The following EPHB2 variants were observed in gnomAD, a reference collection of about 807,000 sequenced individuals.
The protein encoded by EPHB2 is EPH receptor B2, also known as ephrin type-B receptor 2.
Under a neutral mutation model 96.4 loss-of-function variants are expected in EPHB2, and 18 were observed. The ratio of observed to expected loss-of-function variants is 0.19; its 90% CI spans 0.13 to 0.28. EPHB2 has a LOEUF of 0.28. EPHB2 is among the 10% of genes least tolerant of loss of function. The probability of loss-of-function intolerance (pLI) is 1.00; values close to 1 mark genes in which losing one functional copy is unlikely to be tolerated. For missense variants in EPHB2, 989 were observed against 1,355.4 expected (o/e 0.73, Z 4.25); for synonymous variants, 506 against 534.1 (o/e 0.95, Z 0.72).
chr1:22,833,538 C>A (rs1645337935), intron 3 of EPHB2, among the ~76,000 whole-genome samples: 1 of 152,130 alleles, frequency 6.6e-6, no homozygotes, highest in African/African-American at 2.4e-5. Flanking sequence ...ATAGGGATAG[C>A]AATTAACTTT....
Position 22,913,681 on chromosome 1 carries a change from A to T in EPHB2, c.*111A>T. On this transcript the variant is annotated 3_prime_UTR_variant, in exon 16 of 16. Coordinates refer to ENST00000374630, the MANE Select transcript of EPHB2 (RefSeq NM_017449.5). The surrounding 1 kb of genome is among the most constrained non-coding windows in gnomAD (Gnocchi z 4.1). ...AGGGCCAGCCACTCGCCAGGAGGCC[A>T]CGGGCCACGGGAAGAACCAAGCGGT... The T allele has an allele frequency of 6.2e-7, 1 of 1,603,376 alleles. No homozygotes were observed. Among genetic ancestry groups the T allele is most frequent in the Non-Finnish European group, 8.5e-7 (1 of 1,175,106 alleles).
intron 3 of EPHB2, among the ~76,000 whole-genome samples, chr1:22,857,390 A>T (rs766262018): frequency 2.0e-5 from 3 of 152,086 alleles, no homozygotes; most frequent in Non-Finnish European, 2.9e-5. Context: ...GGGCACACAC[A>T]TCAGACTCAC....
chr1:22,822,204 C>T (rs1570340718), intron 3 of EPHB2, among the ~76,000 whole-genome samples: 1 of 152,052 alleles, frequency 6.6e-6, no homozygotes, highest in Admixed American at 6.6e-5. Context: ...AGGGATGAGC[C>T]GGGCTCAGTG....
At chr1:22,725,693 G>A (rs977314163) in intron 1 of EPHB2, among the ~76,000 whole-genome samples, 1 of 152,210 alleles carries the variant, frequency 6.6e-6, no homozygotes, top group African/African-American at 2.4e-5. Context: ...TTTCTGTAAA[G>A]TAAATCCTAT....
chr1:22,731,622 G>A (rs1393527178), intron 1 of EPHB2, among the ~76,000 whole-genome samples: 1 of 152,110 alleles, frequency 6.6e-6, no homozygotes, highest in East Asian at 1.9e-4. Context: ...GGCAGATCAC[G>A]AGGTCAGGAG....
intron 1 of EPHB2, among the ~76,000 whole-genome samples, chr1:22,754,446 A>G (rs1370412899): frequency 6.6e-6 from 1 of 152,116 alleles, no homozygotes; most frequent in Non-Finnish European, 1.5e-5. Context: ...GGACAGGGTG[A>G]CCATGTCCGG....
chr1:22,877,690 G>A (rs12239985), intron 5 of EPHB2, among the ~76,000 whole-genome samples: 3,631 of 152,276 alleles, frequency 0.024, 133 homozygotes, highest in African/African-American at 0.08. Context: ...CGTGGCAGGT[G>A]GATCATATAC....
intron 3 of EPHB2, among the ~76,000 whole-genome samples, chr1:22,815,325 T>G (rs34300874): frequency 0.68 from 104,024 of 152,198 alleles, 38,642 homozygotes; most frequent in East Asian, 0.82. Context: ...CCACACAGCC[T>G]AAGACCCTCA....
At chr1:22,795,296 C>G (rs1303884563) in intron 3 of EPHB2, among the ~76,000 whole-genome samples, 1 of 152,194 alleles carries the variant, frequency 6.6e-6, no homozygotes, top group Non-Finnish European at 1.5e-5. Flanking sequence ...CTTGCAGAGC[C>G]TCCCTAAAAT....
At chr1:22,882,639 A>AGT in intron 6 of EPHB2, 156 bp downstream of exon 6, 1 of 1,171,294 alleles carries the variant, frequency 8.5e-7, no homozygotes, top group Non-Finnish European at 1.2e-6. Flanking sequence ...CTCCCAATCC[A>AGT]GCTCCGCTCC....
intron 14 of EPHB2, among the ~76,000 whole-genome samples, 161 bp from the exon 15 acceptor site, chr1:22,912,283 C>T (rs552691168): frequency 3.9e-5 from 6 of 152,296 alleles, no homozygotes; most frequent in Admixed American, 2.0e-4. Context: ...AACCCATGCC[C>T]GCAATCATGC....
At position 22,882,215 on chromosome 1, in the gene EPHB2, C is replaced by A. The variant is rs1639069626; in HGVS notation, c.1304-144C>A. The A allele has an allele frequency of 2.8e-6, 4 of 1,443,672 alleles. No homozygotes were observed. The East Asian group carries it at 9.9e-5, about 36-fold the overall frequency. The allele number at this position is 1,443,672 out of a possible 1,614,324, so 89.4% of individuals were successfully genotyped here. On this transcript the variant is annotated intron_variant, in intron 5 of 15. Coordinates refer to ENST00000374630, the MANE Select transcript of EPHB2 (RefSeq NM_017449.5). ...AGCCCCTCTGCCCCCTGTCGGCTCC[C>A]CGAGACTGGCTCTGTGGCCTCAGCC...
chr1:22,838,746 G>A (rs1645421201), intron 3 of EPHB2, among the ~76,000 whole-genome samples: 1 of 152,104 alleles, frequency 6.6e-6, no homozygotes, highest in Non-Finnish European at 1.5e-5. Context: ...GGCTAACATG[G>A]TGAAACCCCG....
intron 12 of EPHB2, 141 bp downstream of exon 12, chr1:22,908,309 C>T: frequency 2.0e-6 from 2 of 1,021,332 alleles, no homozygotes; most frequent in Non-Finnish European, 3.0e-6. Context: ...AGACAGGAAC[C>T]ACAGCTCCTG....
chr1:22,860,904 A>G lies in EPHB2; in HGVS notation c.812-2133A>G, dbSNP rs916891472. On this transcript the variant is annotated intron_variant, in intron 3 of 15. Transcript: ENST00000374630. This position sits in a 1 kb window ranked among gnomAD's most constrained non-coding sequence, Gnocchi z 4.6. ...GCCCCTTCATCCAGCCATCAGGGAA[A>G]GGTCGGTGCCCAAGAGGAAGGCGAG... 6.6e-6 allele frequency among the ~76,000 whole-genome samples: 1 copy of G among 152,124 alleles called. No individual in the cohort carries two copies. Among genetic ancestry groups the G allele is most frequent in the Non-Finnish European group, 1.5e-5 (1 of 68,022 alleles).
intron 9 of EPHB2, among the ~76,000 whole-genome samples, chr1:22,901,353 G>T (rs1332662850): frequency 2.0e-5 from 3 of 152,276 alleles, no homozygotes; most frequent in South Asian, 4.2e-4. Context: ...TTGCCCAAGG[G>T]CACACTGCTG....
chr1:22,898,866 C>T (rs1325132339), intron 9 of EPHB2, among the ~76,000 whole-genome samples: 3 of 152,180 alleles, frequency 2.0e-5, no homozygotes, highest in South Asian at 4.1e-4. Context: ...GCTCCAGGTA[C>T]GAAGCCTCTG....
At chr1:22,786,560 GCTTCCTCCCTCGGAGAC>G (rs1644613592) in intron 3 of EPHB2, among the ~76,000 whole-genome samples, 1 of 152,202 alleles carries the variant, frequency 6.6e-6, no homozygotes, top group Non-Finnish European at 1.5e-5. Context: ...CCAGCTCTGT[GCTTCCTCCCTCGGAGAC>G]AAGCAAGGCA....
intron 3 of EPHB2, among the ~76,000 whole-genome samples, chr1:22,792,949 GC>G (rs1030336900): frequency 6.6e-6 from 1 of 152,186 alleles, no homozygotes; most frequent in East Asian, 1.9e-4. Flanking sequence ...TCAGAGGACG[GC>G]CTCCAGGAGG....
Sources: gnomAD v4.1 joint callset for allele counts (sites outside exome capture counted in the v4.1 genomes callset) on GRCh38, gnomAD v4.1.1 for gene constraint, Gnocchi (gnomAD v3.1) non-coding constraint, MANE v1.5 for transcripts, NCBI Gene and HGNC (gene_info 2026-07-23, HGNC 2026-07-21) for gene names.